The following UTRN variants were observed in gnomAD, a reference collection of about 807,000 sequenced individuals.
UTRN encodes dystrophin-related protein 1.
A neutral mutation model predicts 463.9 loss-of-function variants in UTRN; 283 were observed. The ratio of observed to expected loss-of-function variants is 0.61; its 90% CI spans 0.55 to 0.67. The LOEUF is 0.67. UTRN is among the 30% of genes least tolerant of loss of function. The pLI, the probability that UTRN is intolerant of heterozygous loss-of-function variation, is 0.00. For synonymous variants in UTRN, 1,442 were observed against 1,431.5 expected (o/e 1.01, Z -0.17); for missense variants, 3,922 against 4,084.3 (o/e 0.96, Z 1.08).
At chr6:144,553,713 G>A (rs1309002287) in intron 48 of UTRN, among the ~76,000 whole-genome samples, 1 of 151,924 alleles carries the variant, frequency 6.6e-6, no homozygotes, top group Non-Finnish European at 1.5e-5. Context: ...TCAGGAGTTC[G>A]AGACCTGGCC....
intron 60 of UTRN, among the ~76,000 whole-genome samples, chr6:144,778,361 C>G (rs1775520588): frequency 6.6e-6 from 1 of 151,928 alleles, no homozygotes; most frequent in African/African-American, 2.4e-5. Context: ...GAAGGCCAGG[C>G]CTTTATGGGG....
chr6:144,824,577 TATATATA>T lies in UTRN; in HGVS notation c.9495-2770_9495-2764del, dbSNP rs1779938808. ...ATATTAATATAGCATTTTATTTATATATATATATATATATATATATATATATATATAT... is the reference window on the plus strand; with the variant it reads ...ATATTAATATAGCATTTTATTTATATTATATATATATATATATATATATAT... On this transcript the variant is annotated intron_variant, in intron 66 of 74. Transcript: ENST00000367545. Among the ~76,000 whole-genome samples, 6 of 25,944 alleles carry T rather than the reference TATATATA, an allele frequency of 2.3e-4. No individual in the cohort carries two copies. The South Asian group carries it at 6.8e-3, about 29-fold the overall frequency. The allele number at this position is 25,944 out of a possible 152,430, so 17.0% of individuals were successfully genotyped here. A position where few individuals can be genotyped will look rare whatever the true frequency, so the allele number is the denominator to read the frequency against.
intron 59 of UTRN, among the ~76,000 whole-genome samples, chr6:144,774,086 C>T (rs1436590936): frequency 6.6e-6 from 1 of 152,158 alleles, no homozygotes; most frequent in Non-Finnish European, 1.5e-5. Context: ...TTCTCTGTAG[C>T]ACTGCTTTGA....
chr6:144,447,763 A>G lies in UTRN; in HGVS notation c.1884A>G (p.Leu628=), dbSNP rs1170827823. The G allele has an allele frequency of 1.2e-6, 2 of 1,612,046 alleles. No individual in the cohort carries two copies. Among genetic ancestry groups the G allele is most frequent in the South Asian group, 1.1e-5 (1 of 90,526 alleles). ...TQRWDSLVQR[L]EDSSNQVTQA... ...GATGGGATTCTTTGGTTCAGAGACT[A>G]GAAGATTCCTCCAACCAGGTACTTT... is the stretch of plus-strand genomic sequence containing the variant. The change falls in exon 16 of 75, where the codon CTA becomes CTG. Residue 628 remains leucine, a synonymous_variant. Coordinates refer to ENST00000367545, the MANE Select transcript of UTRN (RefSeq NM_007124.3).
chr6:144,841,608 TAC>T (rs1179613912), intron 73 of UTRN, among the ~76,000 whole-genome samples: 2 of 152,046 alleles, frequency 1.3e-5, no homozygotes, highest in South Asian at 2.1e-4. Flanking sequence ...TACATATATA[TAC>T]ACACACACAT....
chr6:144,386,750 G>A (rs1472634730), intron 2 of UTRN, among the ~76,000 whole-genome samples: 1 of 151,980 alleles, frequency 6.6e-6, no homozygotes, highest in Non-Finnish European at 1.5e-5. Context: ...ACAAAGGATT[G>A]CATTTTAGCG....
Position 144,499,237 on chromosome 6 carries a change from C to A in UTRN, c.4594-20C>A. On this transcript the variant is annotated intron_variant, in intron 33 of 74. Transcript: ENST00000367545. Reference sequence around the variant, plus strand: ...ATTCCCATCTCAGTCTCAGTCTCTCCCTGCCTCTCTCCGTCTCAGGTGACA... The same window carrying A: ...ATTCCCATCTCAGTCTCAGTCTCTCACTGCCTCTCTCCGTCTCAGGTGACA... The A allele has an allele frequency of 6.2e-7, 1 of 1,606,026 alleles. No homozygotes were observed. The highest frequency in any genetic ancestry group is 8.5e-7 in the Non-Finnish European group (1 of 1,174,402).
intron 46 of UTRN, among the ~76,000 whole-genome samples, chr6:144,546,865 CAA>C (rs1410381155): frequency 6.6e-6 from 1 of 152,138 alleles, no homozygotes; most frequent in Admixed American, 6.5e-5. Context: ...CTAAAACAAA[CAA>C]AATCCTGGAA....
In UTRN at chr6:144,330,010, G is replaced by A. The variant is rs564662625; in HGVS notation, c.79+38103G>A. Reference sequence around the variant, plus strand: ...CATCAAATTGCAGAGCATACAAATAGTTGTTTAACTGCTTAGAGGGTAGAC... The same window carrying A: ...CATCAAATTGCAGAGCATACAAATAATTGTTTAACTGCTTAGAGGGTAGAC... On this transcript the variant is annotated intron_variant, in intron 2 of 74. Coordinates refer to ENST00000367545, the MANE Select transcript of UTRN (RefSeq NM_007124.3). Among the ~76,000 whole-genome samples, 14 of 152,308 alleles carry A rather than the reference G, an allele frequency of 9.2e-5. No individual in the cohort carries two copies. In the South Asian group the frequency reaches 2.7e-3, roughly 29 times the overall value.
chr6:144,703,746 C>G (rs182752890), intron 53 of UTRN, among the ~76,000 whole-genome samples: 1 of 152,178 alleles, frequency 6.6e-6, no homozygotes, highest in East Asian at 1.9e-4. Flanking sequence ...GTTACAGTGG[C>G]ATGATGGAGT....
At chr6:144,572,413 G>A (rs1801026595) in intron 50 of UTRN, among the ~76,000 whole-genome samples, 1 of 151,938 alleles carries the variant, frequency 6.6e-6, no homozygotes, top group African/African-American at 2.4e-5. Context: ...TAAGTTCTGG[G>A]ATACATGTGC....
intron 53 of UTRN, among the ~76,000 whole-genome samples, chr6:144,709,924 A>G (rs961686018): frequency 6.6e-6 from 1 of 152,188 alleles, no homozygotes. Context: ...TTACTCTTTG[A>G]TAATAGTGGT....
intron 51 of UTRN, among the ~76,000 whole-genome samples, chr6:144,635,503 C>G (rs1213706429): frequency 1.7e-5 from 2 of 118,948 alleles, no homozygotes; most frequent in East Asian, 2.5e-4. Flanking sequence ...TAGCAGCTAG[C>G]CTTTTTTTTT....
Position 144,482,372 on chromosome 6 carries a change from A to G in UTRN, c.3671A>G (p.Lys1224Arg), listed in dbSNP as rs776773608. The G allele has an allele frequency of 1.3e-6, 2 of 1,595,474 alleles. No homozygotes were observed. The change falls in exon 27 of 75, where the codon AAG becomes AGG. Residue 1224 changes from lysine (K) to arginine (R), a missense_variant. Physicochemically the swap from Lys to Arg is conservative, Grantham distance 26. Around this residue, in one of 3 missense-constraint regions of UTRN, gnomAD observed 2,349 missense variants for 2,303.8 expected, o/e 1.02. Coordinates refer to ENST00000367545, the MANE Select transcript of UTRN (RefSeq NM_007124.3). ...YQLLCNRIRG[K>R]CHTLEEVWSC... ...CTTCTTTGTAATAGAATTCGAGGAA[A>G]GTGCCACACGCTAGAGGTATGCTAT...
intron 60 of UTRN, among the ~76,000 whole-genome samples, chr6:144,780,430 A>G (rs1041257902): frequency 1.3e-5 from 2 of 152,106 alleles, no homozygotes; most frequent in Non-Finnish European, 2.9e-5. Context: ...TTTTTATGCT[A>G]AAAGGTTAAA....
At chr6:144,478,971 T>C (rs1307245536) in intron 25 of UTRN, among the ~76,000 whole-genome samples, 5 of 152,178 alleles carry the variant, frequency 3.3e-5, no homozygotes, top group Non-Finnish European at 1.5e-5. Flanking sequence ...ACAAACATAG[T>C]AGACATCAAA....
intron 2 of UTRN, among the ~76,000 whole-genome samples, chr6:144,357,884 A>G (rs1488211108): frequency 1.3e-5 from 2 of 152,266 alleles, no homozygotes; most frequent in African/African-American, 4.8e-5. Flanking sequence ...CTGGTAGAAC[A>G]GAGATAGTCA....
At chr6:144,627,739 A>T (rs566324203) in intron 51 of UTRN, among the ~76,000 whole-genome samples, 1 of 149,694 alleles carries the variant, frequency 6.7e-6, no homozygotes, top group African/African-American at 2.5e-5. Flanking sequence ...TTATTTCATT[A>T]GCATAATGTC....
chr6:144,796,950 C>T (rs1236119618), intron 63 of UTRN, among the ~76,000 whole-genome samples: 1 of 152,144 alleles, frequency 6.6e-6, no homozygotes, highest in Non-Finnish European at 1.5e-5. Flanking sequence ...AGATATTTAG[C>T]TTTGCACATA....
Sources: gnomAD v4.1 joint callset for allele counts (sites outside exome capture counted in the v4.1 genomes callset) on GRCh38, gnomAD v4.1.1 for gene constraint, gnomAD v4.1.1 regional missense constraint, MANE v1.5 for transcripts, NCBI Gene and HGNC (gene_info 2026-07-23, HGNC 2026-07-21) for gene names.